Variants in ROR2 observed in about 807,000 individuals in gnomAD.
ROR2 encodes the protein ROR family WNT receptor 2, also known as tyrosine-protein kinase transmembrane receptor ROR2.
ROR2 carries 33 observed loss-of-function variants against 74.9 expected under a neutral mutation model. The ratio of observed to expected loss-of-function variants is 0.44; its 90% CI spans 0.33 to 0.59. ROR2 has a LOEUF of 0.59. ROR2 is among the 20% of genes least tolerant of loss of function. The probability of loss-of-function intolerance (pLI) is 0.02; values close to 1 mark genes in which losing one functional copy is unlikely to be tolerated. For synonymous variants in ROR2, 586 were observed against 558.7 expected (o/e 1.05, Z -0.69); for missense variants, 1,216 against 1,313.8 (o/e 0.93, Z 1.15).
At chr9:91,775,843 T>C (rs1184054099) in intron 1 of ROR2, 25 bp from the exon 2 acceptor site, 3 of 1,608,672 alleles carry the variant, frequency 1.9e-6, no homozygotes, top group Non-Finnish European at 2.6e-6. Flanking sequence ...CCAGGATAGG[T>C]ATTAAACAAG....
Position 91,757,459 on chromosome 9 carries a change from G to A in ROR2, c.276C>T (p.Asn92=), listed in dbSNP as rs56227711. The A allele has an allele frequency of 5.6e-3, 9,084 of 1,613,870 alleles. 399 individuals carry two copies. The African/African-American group carries it at 0.1, about 18-fold the overall frequency. Residue 92 remains asparagine (N), a synonymous_variant, in exon 3 of 9, where the codon AAC becomes AAT. Transcript: ENST00000375708. ...HCKVAGNPPP[N]VRWLKNDAPV... ...GGGCATCATTCTTTAGCCACCGCAC[G>A]TTAGGGGGTGGGTTTCCTGCCACCT...
At chr9:91,806,272 G>A (rs1254468269) in intron 1 of ROR2, among the ~76,000 whole-genome samples, 1 of 152,168 alleles carries the variant, frequency 6.6e-6, no homozygotes, top group African/African-American at 2.4e-5. Flanking sequence ...GTGAATTCAT[G>A]TCTGATGAGG....
chr9:91,872,832 T>C (rs1328908870), intron 1 of ROR2, among the ~76,000 whole-genome samples: 2 of 152,134 alleles, frequency 1.3e-5, no homozygotes, highest in Admixed American at 1.3e-4. Context: ...TGTGGTCCCT[T>C]ACACACTGGG....
At chr9:91,849,055 G>A (rs1480096865) in intron 1 of ROR2, among the ~76,000 whole-genome samples, 2 of 152,098 alleles carry the variant, frequency 1.3e-5, no homozygotes, top group African/African-American at 4.8e-5. Context: ...CATCCCATCC[G>A]AACAGATATC....
chr9:91,761,968 G>A (rs1288018578), intron 2 of ROR2, among the ~76,000 whole-genome samples: 1 of 152,170 alleles, frequency 6.6e-6, no homozygotes, highest in Admixed American at 6.5e-5. Flanking sequence ...TTGAAGCTGA[G>A]CTCCCATCTC....
chr9:91,930,615 C>T (rs1163010447), intron 1 of ROR2, among the ~76,000 whole-genome samples: 1 of 152,176 alleles, frequency 6.6e-6, no homozygotes, highest in Non-Finnish European at 1.5e-5. Flanking sequence ...GTTTCTAACA[C>T]ACACCAGAGG....
intron 1 of ROR2, among the ~76,000 whole-genome samples, chr9:91,842,313 C>A (rs1828806310): frequency 6.6e-6 from 1 of 152,216 alleles, no homozygotes; most frequent in Non-Finnish European, 1.5e-5. Flanking sequence ...TTACTGCTGT[C>A]AAGATTAGGA....
At chr9:91,841,129 C>T (rs1216540294) in intron 1 of ROR2, among the ~76,000 whole-genome samples, 4 of 152,188 alleles carry the variant, frequency 2.6e-5, no homozygotes, top group South Asian at 2.1e-4. Context: ...CTTGAGCTCA[C>T]GTATGCTCCT....
At chr9:91,796,446 A>C (rs2119027427) in intron 1 of ROR2, among the ~76,000 whole-genome samples, 1 of 152,060 alleles carries the variant, frequency 6.6e-6, no homozygotes, top group South Asian at 2.1e-4. Flanking sequence ...GAAAAAAAAA[A>C]AAAAAAAAAC....
chr9:91,842,042 A>G (rs569837541), intron 1 of ROR2, among the ~76,000 whole-genome samples: 58 of 152,320 alleles, frequency 3.8e-4, no homozygotes, highest in African/African-American at 1.2e-3. Flanking sequence ...TCACCAGGCC[A>G]GGCTTCCAGT....
intron 2 of ROR2, 99 bp downstream of exon 2, chr9:91,775,642 A>G (rs1826392503): frequency 9.1e-7 from 1 of 1,101,266 alleles, no homozygotes; most frequent in Admixed American, 1.8e-5. Context: ...AAGGGGCCAG[A>G]GGACCCCCAG....
rs550818002 is a variant in ROR2 at position 91,895,763 on chromosome 9, G to C, written c.97+54104C>G. Among the ~76,000 whole-genome samples, 13 of 152,288 alleles carry C rather than the reference G, an allele frequency of 8.5e-5. 2 individuals are homozygous for C. The highest frequency in any genetic ancestry group is 1.9e-4 in the Non-Finnish European group (13 of 68,034). On this transcript the variant is annotated intron_variant, in intron 1 of 8. Transcript: ENST00000375708. ...GAGGCTGACACGGGAGAATTCGCTT[G>C]AACATGAAAGACGGCGGTTGCAGTG... is the stretch of plus-strand genomic sequence containing the variant.
intron 1 of ROR2, among the ~76,000 whole-genome samples, chr9:91,879,802 T>A (rs940473813): frequency 1.3e-5 from 2 of 152,108 alleles, no homozygotes; most frequent in African/African-American, 4.8e-5. Flanking sequence ...ACAGTCCTAT[T>A]AACTTAGACA....
rs1836861283 is a variant in ROR2 at position 91,723,294 on chromosome 9, G to A, written c.*368C>T. ...CCTTTTGCAGGCCCTTATTCCCAACGTTTTGAAATATTCACTCCATATATG... is the reference window on the plus strand; with the variant it reads ...CCTTTTGCAGGCCCTTATTCCCAACATTTTGAAATATTCACTCCATATATG... On this transcript the variant is annotated 3_prime_UTR_variant, in exon 9 of 9. Transcript: ENST00000375708. 4.7e-6 allele frequency: 1 copy of A among 213,738 alleles called. No homozygotes were observed. Among genetic ancestry groups the A allele is most frequent in the Non-Finnish European group, 9.3e-6 (1 of 107,182 alleles). The allele number at this position is 213,738 out of a possible 1,614,324, so 13.2% of individuals were successfully genotyped here.
intron 1 of ROR2, among the ~76,000 whole-genome samples, chr9:91,920,329 G>A (rs886471647): frequency 9.2e-5 from 14 of 152,114 alleles, no homozygotes; most frequent in Admixed American, 7.2e-4. Flanking sequence ...AACATAGCGA[G>A]ACACTATCTC....
intron 4 of ROR2, among the ~76,000 whole-genome samples, chr9:91,744,181 C>T (rs1381411318): frequency 2.0e-5 from 3 of 148,918 alleles, no homozygotes; most frequent in Non-Finnish European, 3.0e-5. Flanking sequence ...TGGGACCTGG[C>T]GCACAGTTGA....
chr9:91,768,075 C>T (rs1564262815), intron 2 of ROR2, among the ~76,000 whole-genome samples: 1 of 152,156 alleles, frequency 6.6e-6, no homozygotes, highest in East Asian at 1.9e-4. Context: ...GTGATGCCGC[C>T]ACAGCCACAG....
Position 91,723,746 on chromosome 9 carries a change from C to A in ROR2, c.2748G>T (p.Glu916Asp). 1 of 1,611,848 alleles carries A rather than the reference C, an allele frequency of 6.2e-7. No individual in the cohort carries two copies. Among genetic ancestry groups the A allele is most frequent in the Non-Finnish European group, 8.5e-7 (1 of 1,179,094 alleles). ...GCTCAGTCTCTGGGACAGAGCCTTCCTCCTCCTCCTCTGCTTCCTGCACGG... is the reference window on the plus strand; with the variant it reads ...GCTCAGTCTCTGGGACAGAGCCTTCATCCTCCTCCTCTGCTTCCTGCACGG... ...QSTVQEAEEE[E>D]EGSVPETELL... Residue 916 changes from glutamate (E) to aspartate (D), a missense_variant, in exon 9 of 9, where the codon GAG becomes GAT. Transcript: ENST00000375708.
chr9:91,765,093 A>G (rs1236168883), intron 2 of ROR2, among the ~76,000 whole-genome samples: 1 of 152,178 alleles, frequency 6.6e-6, no homozygotes, highest in Non-Finnish European at 1.5e-5. Context: ...TGTCAATTCT[A>G]TAAAACCTCT....
Sources: gnomAD v4.1 joint callset for allele counts (sites outside exome capture counted in the v4.1 genomes callset) on GRCh38, gnomAD v4.1.1 for gene constraint, MANE v1.5 for transcripts, NCBI Gene and HGNC (gene_info 2026-07-23, HGNC 2026-07-21) for gene names.